ATF3: variants seen among roughly 807,000 people sequenced by gnomAD.
ATF3 encodes cyclic AMP-dependent transcription factor ATF-3.
In ATF3, 10 loss-of-function variants were observed where a neutral mutation model predicts 18.4. The observed-to-expected ratio is 0.54, with a 90% CI of 0.34 to 0.92. ATF3 has a LOEUF of 0.92. Ranked by LOEUF, ATF3 falls within the 40% of genes least tolerant of loss-of-function variation. ATF3 has a pLI of 0.02. For missense variants in ATF3, 183 were observed against 222.3 expected, an observed-to-expected ratio of 0.82 and a Z score of 1.12; for synonymous variants, 78 against 87.9, an observed-to-expected ratio of 0.89 and a Z score of 0.63.
At chr1:212,610,193 C>A (rs1354771058) in intron 1 of ATF3, among the ~76,000 whole-genome samples, 1 of 152,228 alleles carries the variant, frequency 6.6e-6, no homozygotes, top group African/African-American at 2.4e-5. Flanking sequence ...TAAACATTTT[C>A]TTTTCCCTAA....
chr1:212,607,181 G>C (rs974020730), upstream of ATF3, among the ~76,000 whole-genome samples: 2 of 152,182 alleles, frequency 1.3e-5, no homozygotes, highest in African/African-American at 4.8e-5. Flanking sequence ...ACCCCGGTGG[G>C]GGGAACTGGG....
chr1:212,588,212 G>A (rs1356921119), intron 1 of ATF3, among the ~76,000 whole-genome samples: 1 of 152,140 alleles, frequency 6.6e-6, no homozygotes, highest in Non-Finnish European at 1.5e-5. Flanking sequence ...ACTCCCGGCA[G>A]GGTGTGGATT....
chr1:212,571,469 G>C (rs1203659408), intron 1 of ATF3, among the ~76,000 whole-genome samples: 1 of 151,990 alleles, frequency 6.6e-6, no homozygotes, highest in Non-Finnish European at 1.5e-5. Context: ...GTGCAGTGGT[G>C]CGATCTCAGC....
At chr1:212,584,482 A>C (rs929068038) in intron 1 of ATF3, among the ~76,000 whole-genome samples, 3 of 152,190 alleles carry the variant, frequency 2.0e-5, no homozygotes, top group African/African-American at 7.2e-5. Flanking sequence ...GTCCAAAGGC[A>C]GGAAAAAACT....
rs548294182 is a variant in ATF3 at position 212,583,082 on chromosome 1, G to A, written c.-5+17599G>A. ...TCTAGGGGAGAGCATAGGCTGTCAT[G>A]GGGCAGGCTCACTCCTAACTGGTTT... On this transcript the variant is annotated intron_variant, in intron 1 of 3. Transcript: ENST00000366981. Among the ~76,000 whole-genome samples, 56 of 152,308 alleles carry A rather than the reference G, an allele frequency of 3.7e-4. 1 individual carries two copies. The South Asian group carries it at 0.012, about 32-fold the overall frequency.
chr1:212,597,594 G>T (rs781766089), intron 1 of ATF3, among the ~76,000 whole-genome samples: 1 of 152,150 alleles, frequency 6.6e-6, no homozygotes, highest in Middle Eastern at 3.2e-3. Flanking sequence ...AGTGGCAGAG[G>T]TTGAGACTCT....
chr1:212,588,511 T>C (rs1664820830), intron 1 of ATF3, among the ~76,000 whole-genome samples: 1 of 152,146 alleles, frequency 6.6e-6, no homozygotes, highest in South Asian at 2.1e-4. Context: ...AATTACCTTG[T>C]GGGTAGGATG....
chr1:212,607,929 G>T (rs1654691596), upstream of ATF3, among the ~76,000 whole-genome samples: 1 of 151,744 alleles, frequency 6.6e-6, no homozygotes, highest in Non-Finnish European at 1.5e-5. Flanking sequence ...AAATCGAACC[G>T]ATACGGTCCT....
At chr1:212,617,361 A>G (rs1655173163) in intron 2 of ATF3, among the ~76,000 whole-genome samples, 1 of 152,248 alleles carries the variant, frequency 6.6e-6, no homozygotes, top group South Asian at 2.1e-4. Context: ...TGGCGATGCC[A>G]TAGTGGCTTA....
At chr1:212,570,204 A>G (rs911367802) in intron 1 of ATF3, among the ~76,000 whole-genome samples, 1 of 152,162 alleles carries the variant, frequency 6.6e-6, no homozygotes, top group Non-Finnish European at 1.5e-5. Context: ...ATATTTATAT[A>G]TTTTTGGCAC....
upstream of ATF3, among the ~76,000 whole-genome samples, chr1:212,606,795 T>C (rs764849985): frequency 3.3e-5 from 5 of 152,202 alleles, no homozygotes; most frequent in Non-Finnish European, 5.9e-5. Flanking sequence ...ATGCAAACAC[T>C]CCTCCACCTA....
At chr1:212,582,748 C>T (rs181244861) in intron 1 of ATF3, among the ~76,000 whole-genome samples, 4 of 152,244 alleles carry the variant, frequency 2.6e-5, no homozygotes, top group East Asian at 1.9e-4. Flanking sequence ...GCAAGTATTC[C>T]GGCCTTTCCA....
intron 1 of ATF3, among the ~76,000 whole-genome samples, chr1:212,610,270 G>A (rs1397583424): frequency 6.6e-6 from 1 of 152,144 alleles, no homozygotes; most frequent in Non-Finnish European, 1.5e-5. Flanking sequence ...GATGAACCCA[G>A]AAAGAAAAGG....
upstream of ATF3, among the ~76,000 whole-genome samples, chr1:212,604,549 G>A (rs1359040208): frequency 6.6e-6 from 1 of 152,164 alleles, no homozygotes; most frequent in Non-Finnish European, 1.5e-5. Context: ...AGGACAGGCT[G>A]TGTTTAAGTT....
chr1:212,571,265 G>A (rs369725066), intron 1 of ATF3, among the ~76,000 whole-genome samples: 2 of 152,142 alleles, frequency 1.3e-5, no homozygotes, highest in East Asian at 3.9e-4. Context: ...TTATTTTAAT[G>A]TGTATGTATT....
upstream of ATF3, among the ~76,000 whole-genome samples, chr1:212,604,679 A>G (rs1348105719): frequency 6.6e-6 from 1 of 152,168 alleles, no homozygotes; most frequent in Non-Finnish European, 1.5e-5. Context: ...CTCTTAGGGA[A>G]AGTTGCCAGA....
Position 212,569,185 on chromosome 1 carries a change from C to T in ATF3, c.-5+3702C>T, listed in dbSNP as rs112994694. ...ATCTCTCCCTCCGTCTTTTTCCTCC[C>T]TGCCTTCTTTTCTTTTTATTATCTT... is the stretch of plus-strand genomic sequence containing the variant. On this transcript the variant is annotated intron_variant, in intron 1 of 3. Coordinates refer to the ATF3 transcript ENST00000366981. Among the ~76,000 whole-genome samples, 1,482 of 152,138 alleles carry T rather than the reference C, an allele frequency of 9.7e-3. 25 individuals are homozygous for T. The highest frequency in any genetic ancestry group is 0.035 in the African/African-American group (1,436 of 41,506).
At chr1:212,608,375 G>A (rs531671625), upstream of ATF3, among the ~76,000 whole-genome samples, 6 of 151,950 alleles carry the variant, frequency 3.9e-5, no homozygotes, top group African/African-American at 1.4e-4. Context: ...AGATGCCAGC[G>A]CGGTGGAGTC....
At position 212,618,119 on chromosome 1, in the gene ATF3, T is replaced by C. The variant is rs746651905; in HGVS notation, c.241-8T>C. 9.9e-6 allele frequency: 16 copies of C among 1,613,980 alleles called. No homozygotes were observed. In the African/African-American group the frequency reaches 1.2e-4, roughly 12 times the overall value. The stretch of plus-strand genomic sequence containing the variant: ...GCCCTTTAAATGTGTTTCTTTTGGA[T>C]TTTACAGGTAGCCCCTGAAGAAGAT... On this transcript the variant is annotated splice_polypyrimidine_tract_variant and splice_region_variant and intron_variant, in intron 2 of 3. Transcript: ENST00000341491. The surrounding 1 kb of genome is among the most constrained non-coding windows in gnomAD (Gnocchi z 4.4).
Sources: gnomAD v4.1 joint callset for allele counts (sites outside exome capture counted in the v4.1 genomes callset) on GRCh38, gnomAD v4.1.1 for gene constraint, Gnocchi (gnomAD v3.1) non-coding constraint, MANE v1.5 for transcripts, NCBI Gene and HGNC (gene_info 2026-07-23, HGNC 2026-07-21) for gene names.